LRRC7: variants seen among roughly 807,000 people sequenced by gnomAD.
The protein encoded by LRRC7 is leucine-rich repeat-containing protein 7.
Under a neutral mutation model 175.7 loss-of-function variants are expected in LRRC7, and 23 were observed. The observed-to-expected ratio is 0.13, with a 90% CI of 0.09 to 0.19. The LOEUF (loss-of-function observed/expected upper bound fraction) is 0.19, where lower values mean the gene tolerates loss of function less well. Among genes scored for constraint, LRRC7 ranks in the 10% least tolerant of loss-of-function variants. LRRC7 has a pLI of 1.00. For synonymous variants in LRRC7, 685 were observed against 680.9 expected (o/e 1.01, Z -0.09); for missense variants, 1,354 against 1,904.7 (o/e 0.71, Z 5.38).
intron 7 of LRRC7, chr1:69,874,836 G>A (rs1685896586): frequency 1.3e-5 from 2 of 152,082 alleles, no homozygotes; most frequent in South Asian, 4.2e-4. Flanking sequence ...TACTTATGAA[G>A]ATCTATATGT....
intron 7 of LRRC7, among the ~76,000 whole-genome samples, chr1:69,902,537 C>T (rs998351893): frequency 6.6e-6 from 1 of 152,058 alleles, no homozygotes; most frequent in Admixed American, 6.6e-5. Context: ...CCATTGCATT[C>T]CAGCCTGTGT....
At chr1:69,696,110 G>C (rs1435514916) in intron 2 of LRRC7, among the ~76,000 whole-genome samples, 1 of 152,212 alleles carries the variant, frequency 6.6e-6, no homozygotes, top group Admixed American at 6.5e-5. Context: ...ACAGGCTACA[G>C]GCACTCAACT....
At chr1:69,570,273 T>A (rs1645686718) in intron 1 of LRRC7, among the ~76,000 whole-genome samples, 1 of 152,028 alleles carries the variant, frequency 6.6e-6, no homozygotes, top group African/African-American at 2.4e-5. Flanking sequence ...GCCTATGAGA[T>A]GTTCAGCATC....
intron 1 of LRRC7, among the ~76,000 whole-genome samples, chr1:69,657,540 G>A (rs1656829141): frequency 6.6e-6 from 1 of 151,886 alleles, no homozygotes; most frequent in South Asian, 2.1e-4. Context: ...CAAGTAAAAT[G>A]TATACATTGT....
At chr1:69,708,889 C>T (rs1437911386) in intron 2 of LRRC7, among the ~76,000 whole-genome samples, 1 of 152,174 alleles carries the variant, frequency 6.6e-6, no homozygotes, top group Non-Finnish European at 1.5e-5. Context: ...ACCGGTCCAC[C>T]ATTACTTCCA....
At chr1:70,014,054 T>C (rs1431132339) in intron 13 of LRRC7, 1 of 152,040 alleles carries the variant, frequency 6.6e-6, no homozygotes, top group Non-Finnish European at 1.5e-5. Flanking sequence ...TTATTTATAG[T>C]ATCAGGTGAC....
intron 2 of LRRC7, among the ~76,000 whole-genome samples, chr1:69,712,851 G>C (rs775408568): frequency 8.5e-5 from 13 of 152,052 alleles, no homozygotes; most frequent in Non-Finnish European, 1.5e-4. Context: ...ATTAGCCATG[G>C]AAAGGCCCAG....
chr1:69,999,379 C>T (rs540164202), intron 11 of LRRC7, among the ~76,000 whole-genome samples: 173 of 152,210 alleles, frequency 1.1e-3, no homozygotes, highest in African/African-American at 3.9e-3. Context: ...TTGAAAGCTG[C>T]TCATTCTCAT....
chr1:69,890,058 T>C (rs1005648519), intron 7 of LRRC7, among the ~76,000 whole-genome samples: 1 of 152,222 alleles, frequency 6.6e-6, no homozygotes, highest in African/African-American at 2.4e-5. Context: ...ATCAATTTCT[T>C]CCAAACTTAT....
chr1:69,619,284 A>G (rs891994876), intron 1 of LRRC7, among the ~76,000 whole-genome samples: 21 of 152,170 alleles, frequency 1.4e-4, no homozygotes, highest in African/African-American at 4.8e-4. Context: ...TGACATTGGC[A>G]CTGATAATAA....
chr1:69,759,850 A>C (rs1042712137), intron 2 of LRRC7, among the ~76,000 whole-genome samples: 3 of 152,022 alleles, frequency 2.0e-5, no homozygotes, highest in African/African-American at 7.2e-5. Context: ...AACATATTAT[A>C]GCTCCATGTT....
chr1:69,842,741 T>G (rs370950944), intron 7 of LRRC7, among the ~76,000 whole-genome samples: 6 of 152,178 alleles, frequency 3.9e-5, no homozygotes, highest in African/African-American at 1.4e-4. Flanking sequence ...TCAGTGACCC[T>G]TCTGAGAATC....
chr1:69,914,194 C>T (rs769491717), intron 7 of LRRC7, among the ~76,000 whole-genome samples: 1 of 152,126 alleles, frequency 6.6e-6, no homozygotes, highest in African/African-American at 2.4e-5. Context: ...CAAAAATTTG[C>T]AGAATCCTGA....
intron 25 of LRRC7, among the ~76,000 whole-genome samples, chr1:70,104,548 A>G (rs893934258): frequency 4.6e-5 from 7 of 152,298 alleles, no homozygotes; most frequent in Non-Finnish European, 7.3e-5. Flanking sequence ...TATACTTGGA[A>G]AAAAGGAAAC....
rs147092778 is a variant in LRRC7 at position 69,600,055 on chromosome 1, T to C, written c.2+31414T>C. Among the ~76,000 whole-genome samples the C allele has an allele frequency of 3.3e-3, 504 of 152,284 alleles. 1 individual carries two copies. Among genetic ancestry groups the C allele is most frequent in the African/African-American group, 0.011 (464 of 41,566 alleles). ...CCACCTCTAGGCTTTACCTTACAGGTCAGGCAAAACAATTCTTAAAAAAAT... is the reference window on the plus strand; with the variant it reads ...CCACCTCTAGGCTTTACCTTACAGGCCAGGCAAAACAATTCTTAAAAAAAT... On this transcript the variant is annotated intron_variant, in intron 1 of 26. Coordinates refer to ENST00000651989, the MANE Select transcript of LRRC7 (RefSeq NM_001370785.2).
At chr1:69,765,250 C>T (rs1247945788) in intron 3 of LRRC7, among the ~76,000 whole-genome samples, 1 of 152,046 alleles carries the variant, frequency 6.6e-6, no homozygotes, top group African/African-American at 2.4e-5. Context: ...TTCCTTAGGC[C>T]ACATGGCATG....
At chr1:69,851,359 A>T (rs1047026480) in intron 7 of LRRC7, among the ~76,000 whole-genome samples, 3 of 152,160 alleles carry the variant, frequency 2.0e-5, no homozygotes, top group African/African-American at 7.2e-5. Context: ...TTGCATCATG[A>T]AAAGGACTTT....
chr1:69,595,377 G>T (rs182185996), intron 1 of LRRC7, among the ~76,000 whole-genome samples: 6 of 152,268 alleles, frequency 3.9e-5, no homozygotes, highest in South Asian at 2.1e-4. Context: ...CCGAGATCGT[G>T]CCATTGCACT....
intron 22 of LRRC7, 107 bp downstream of exon 22, chr1:70,044,201 C>G: frequency 1.7e-6 from 2 of 1,167,492 alleles, no homozygotes; most frequent in Non-Finnish European, 2.4e-6. Flanking sequence ...CTATAGGCTC[C>G]TATGAGTCCA....
Sources: gnomAD v4.1 joint callset for allele counts (sites outside exome capture counted in the v4.1 genomes callset) on GRCh38, gnomAD v4.1.1 for gene constraint, MANE v1.5 for transcripts, NCBI Gene and HGNC (gene_info 2026-07-23, HGNC 2026-07-21) for gene names.